The following DAOA variants were observed in gnomAD, a reference collection of about 807,000 sequenced individuals.
The protein encoded by DAOA is D-amino acid oxidase regulator.
DAOA carries 15 observed loss-of-function variants against 16.4 expected under a neutral mutation model. The observed-to-expected ratio is 0.91, with a 90% confidence interval of 0.61 to 1.41. The LOEUF is 1.41. Among genes scored for constraint, DAOA ranks in the 40% most tolerant of loss-of-function variants. DAOA has a pLI of 0.00. For missense variants in DAOA, 230 were observed against 176.8 expected, an observed-to-expected ratio of 1.30 and a Z score of -1.71; for synonymous variants, 75 against 59.1, an observed-to-expected ratio of 1.27 and a Z score of -1.23.
rs1445059909 is a variant in DAOA, at chr13:105,475,013, T to C, written c.281+2328T>C. 9 of 985,822 alleles carry C rather than the reference T, an allele frequency of 9.1e-6. No individual in the cohort carries two copies. In the East Asian group the frequency reaches 4.5e-4, roughly 50 times the overall value. The allele number at this position is 985,822 out of a possible 1,614,324, so 61.1% of individuals were successfully genotyped here. On this transcript the variant is annotated intron_variant, in intron 4 of 5. Transcript: ENST00000375936. ...TGATTCTAAATGGCAATTTGCACTGTCATTTTAAAAGAATTTCTCAGATAT... is the reference window on the plus strand; with the variant it reads ...TGATTCTAAATGGCAATTTGCACTGCCATTTTAAAAGAATTTCTCAGATAT...
intron 5 of DAOA, chr13:105,490,590 C>T (rs892768266): frequency 1.6e-4 from 24 of 152,216 alleles, no homozygotes; most frequent in African/African-American, 5.3e-4. Context: ...TTGATGGACC[C>T]TTCCCTACTT....
intron 4 of DAOA, among the ~76,000 whole-genome samples, chr13:105,477,982 A>G (rs1274006934): frequency 2.0e-5 from 3 of 152,206 alleles, no homozygotes. Flanking sequence ...AGAATCTATC[A>G]TTTAAAATAT....
In DAOA at chr13:105,472,642, T is replaced by A. The variant is rs1877046720; in HGVS notation, c.238T>A (p.Ser80Thr). 3.7e-6 allele frequency: 6 copies of A among 1,614,034 alleles called. No individual in the cohort carries two copies. The highest frequency in any genetic ancestry group is 5.1e-6 in the Non-Finnish European group (6 of 1,179,914). The change falls in exon 4 of 6, where the codon TCA (serine) becomes ACA (threonine). Residue 80 changes from serine (S) to threonine (T), a missense_variant. Coordinates refer to ENST00000375936, the MANE Select transcript of DAOA (RefSeq NM_172370.5). The stretch of plus-strand genomic sequence containing the variant: ...AATGGCACAGAGGCATTTACAGAGA[T>A]CATTATGTCCTTGGGTCTCTTACCT... Reference protein sequence around the residue: ...LEMAQRHLQRSLCPWVSYLPQ... With the variant: ...LEMAQRHLQRTLCPWVSYLPQ...
At chr13:105,484,060 T>C (rs891392414) in intron 4 of DAOA, among the ~76,000 whole-genome samples, 2 of 152,160 alleles carry the variant, frequency 1.3e-5, no homozygotes, top group African/African-American at 4.8e-5. Context: ...ATTTTAAATA[T>C]GGATCAAAGA....
intron 3 of DAOA, 136 bp from the exon 4 acceptor site, chr13:105,472,402 C>G (rs1473139767): frequency 1.0e-5 from 13 of 1,260,106 alleles, no homozygotes; most frequent in Middle Eastern, 2.6e-4. Context: ...GGAATTTTGT[C>G]TTAACCAAAA....
chr13:105,486,046 C>T (rs756527726), intron 4 of DAOA, among the ~76,000 whole-genome samples: 17 of 152,266 alleles, frequency 1.1e-4, no homozygotes, highest in African/African-American at 3.6e-4. Flanking sequence ...CACCTGGTAT[C>T]GTGCTTAGTC....
In DAOA at chr13:105,472,561, G is replaced by A; in HGVS notation, c.157G>A (p.Glu53Lys). The A allele has an allele frequency of 6.2e-7, 1 of 1,614,002 alleles. No individual in the cohort carries two copies. Residue 53 changes from glutamate (E) to lysine (K), a missense_variant, in exon 4 of 6, where the codon GAG (glutamate) becomes AAG (lysine). Glu to Lys is a moderately conservative substitution (Grantham distance 56). Transcript: ENST00000375936. ...SIAKETEEGR[E>K]TVTRKEGWKR... ...AGCAAAGGAGACAGAAGAAGGAAGA[G>A]AGACGGTAACAAGGAAAGAAGGATG...
rs766671928 is a variant in DAOA, at chr13:105,472,615, G to C, written c.211G>C (p.Glu71Gln). The change falls in exon 4 of 6, where the codon GAA becomes CAA. Residue 71 changes from glutamate to glutamine, a missense_variant. By Grantham distance (29) the Glu-to-Gln change is conservative (BLOSUM62 2). Transcript: ENST00000375936. ...WKRRHEDGYL[E>Q]MAQRHLQRSL... ...GAGAAGGCATGAGGACGGCTATTTG[G>C]AAATGGCACAGAGGCATTTACAGAG... The C allele has an allele frequency of 2.5e-6, 4 of 1,614,062 alleles. No homozygotes were observed. Among genetic ancestry groups the C allele is most frequent in the Non-Finnish European group, 3.4e-6 (4 of 1,179,960 alleles).
intron 3 of DAOA, among the ~76,000 whole-genome samples, chr13:105,469,509 A>G (rs1206403085): frequency 1.3e-5 from 2 of 152,218 alleles, no homozygotes; most frequent in Non-Finnish European, 2.9e-5. Context: ...TCTGACACAT[A>G]GATGAAGGGG....
chr13:105,486,368 A>G (rs1878111059), intron 4 of DAOA, among the ~76,000 whole-genome samples: 1 of 151,934 alleles, frequency 6.6e-6, no homozygotes, highest in South Asian at 2.1e-4. Context: ...TTTGGTTAAC[A>G]TCTGTATATT....
intron 4 of DAOA, among the ~76,000 whole-genome samples, chr13:105,483,238 T>G (rs2139196571): frequency 6.6e-6 from 1 of 152,316 alleles, no homozygotes; most frequent in African/African-American, 2.4e-5. Context: ...AGTTTCTTTA[T>G]CCATCCATTC....
intron 4 of DAOA, among the ~76,000 whole-genome samples, chr13:105,473,959 C>T (rs9301030): frequency 0.31 from 47,477 of 151,852 alleles, 7,563 homozygotes; most frequent in Non-Finnish European, 0.34. Context: ...TAGGCAAGAA[C>T]ATATTGTAGG....
At chr13:105,486,556 G>T (rs773169714) in intron 4 of DAOA, among the ~76,000 whole-genome samples, 6 of 151,574 alleles carry the variant, frequency 4.0e-5, no homozygotes, top group Non-Finnish European at 7.4e-5. Flanking sequence ...ATATTCTTTG[G>T]ATGCAGCATT....
At chr13:105,489,577 A>G (rs1878362237) in intron 4 of DAOA, among the ~76,000 whole-genome samples, 1 of 152,250 alleles carries the variant, frequency 6.6e-6, no homozygotes, top group African/African-American at 2.4e-5. Flanking sequence ...CTTTCTCAGT[A>G]AGCTAGACTT....
intron 2 of DAOA, 180 bp downstream of exon 2, chr13:105,466,512 G>C: frequency 1.0e-6 from 1 of 992,416 alleles, no homozygotes. Flanking sequence ...TCAGTCAAAG[G>C]AGAACCTAGC....
Position 105,467,246 on chromosome 13 carries a change from A to G in DAOA, c.133+105A>G, listed in dbSNP as rs1594102350. 20 of 1,240,892 alleles carry G rather than the reference A, an allele frequency of 1.6e-5. No individual in the cohort carries two copies. In the South Asian group the frequency reaches 2.9e-4, roughly 18 times the overall value. The allele number at this position is 1,240,892 out of a possible 1,614,324, so 76.9% of individuals were successfully genotyped here. On this transcript the variant is annotated intron_variant, in intron 3 of 5. Coordinates refer to ENST00000375936, the MANE Select transcript of DAOA (RefSeq NM_172370.5). ...TTGACATATTTTCAAGCGTAGACAA[A>G]CTTCAATTAATTTGTAAGATACAGG...
At chr13:105,473,526 T>A (rs1877136226) in intron 4 of DAOA, among the ~76,000 whole-genome samples, 1 of 152,162 alleles carries the variant, frequency 6.6e-6, no homozygotes, top group Non-Finnish European at 1.5e-5. Flanking sequence ...TAATGTTGAC[T>A]TTCATGTTTT....
In DAOA at chr13:105,467,034, T is replaced by C. The variant is rs764905107; in HGVS notation, c.45-19T>C. ...TATAAAGGAATCTGAACACGACTGA[T>C]ATTTTCTTTAATTTTTAGATCCAGA... On this transcript the variant is annotated intron_variant, in intron 2 of 5. Transcript: ENST00000375936. 3 of 1,606,870 alleles carry C rather than the reference T, an allele frequency of 1.9e-6. No individual in the cohort carries two copies. Among genetic ancestry groups the C allele is most frequent in the African/African-American group, 2.7e-5 (2 of 74,726 alleles).
At chr13:105,488,738 G>A (rs1878308196) in intron 4 of DAOA, among the ~76,000 whole-genome samples, 1 of 152,122 alleles carries the variant, frequency 6.6e-6, no homozygotes, top group Non-Finnish European at 1.5e-5. Context: ...CCTTCTAAAG[G>A]ATTAGGTTAG....
Sources: allele counts gnomAD v4.1 joint callset (sites outside exome capture counted in the v4.1 genomes callset), GRCh38; gene constraint gnomAD v4.1.1; transcripts MANE v1.5; gene names NCBI Gene and HGNC (gene_info 2026-07-23, HGNC 2026-07-21).